The following VPS13A variants were observed in gnomAD, a reference collection of about 807,000 sequenced individuals.
VPS13A encodes intermembrane lipid transfer protein VPS13A.
VPS13A carries 264 observed loss-of-function variants against 390.9 expected under a neutral mutation model. That is an observed-to-expected ratio of 0.68 (90% CI 0.61 to 0.75). VPS13A has a LOEUF of 0.75. Among genes scored for constraint, VPS13A ranks in the 30% least tolerant of loss-of-function variants. The probability of loss-of-function intolerance (pLI) is 0.00; values close to 1 mark genes in which losing one functional copy is unlikely to be tolerated. For synonymous variants in VPS13A, 1,231 were observed against 1,227.1 expected, an observed-to-expected ratio of 1.00 and a Z score of -0.07; for missense variants, 3,409 against 3,733.9, an observed-to-expected ratio of 0.91 and a Z score of 2.27.
At chr9:77,267,654 A>G (rs1826114703) in intron 23 of VPS13A, among the ~76,000 whole-genome samples, 1 of 152,196 alleles carries the variant, frequency 6.6e-6, no homozygotes, top group Non-Finnish European at 1.5e-5. Context: ...TCAGGGCCCC[A>G]CTTGAGAAGG....
chr9:77,200,702 A>G (rs1300613224), intron 2 of VPS13A, among the ~76,000 whole-genome samples: 5 of 152,042 alleles, frequency 3.3e-5, no homozygotes, highest in Non-Finnish European at 5.9e-5. Flanking sequence ...AAAGTTTTTA[A>G]TCTGATAAAG....
At chr9:77,241,372 A>G (rs937013739) in intron 19 of VPS13A, among the ~76,000 whole-genome samples, 3 of 149,412 alleles carry the variant, frequency 2.0e-5, no homozygotes, top group African/African-American at 7.4e-5. Context: ...GTTTTGTTAA[A>G]TTTAAAATCT....
chr9:77,275,008 G>T (rs1172592391), intron 24 of VPS13A, among the ~76,000 whole-genome samples: 1 of 151,946 alleles, frequency 6.6e-6, no homozygotes, highest in Non-Finnish European at 1.5e-5. Flanking sequence ...ACCTATATTT[G>T]TGTATATATA....
At position 77,370,954 on chromosome 9, in the gene VPS13A, T is replaced by C. The variant is rs1271464799; in HGVS notation, c.8953+19T>C. On this transcript the variant is annotated intron_variant, in intron 66 of 71. Transcript: ENST00000360280. ...ATCAAAGGCAAGTATAGTAGTTCCT[T>C]TGCAAGTCTTTCTAAGTTGATTCTG... is the stretch of plus-strand genomic sequence containing the variant. 1 of 1,614,142 alleles carries C rather than the reference T, an allele frequency of 6.2e-7. No individual in the cohort carries two copies. The highest frequency in any genetic ancestry group is 1.7e-4 in the Middle Eastern group (1 of 6,046).
chr9:77,275,951 T>A, intron 25 of VPS13A, 114 bp from the exon 26 acceptor site: 1 of 1,141,924 alleles, frequency 8.8e-7, no homozygotes, highest in African/African-American at 1.6e-5. Context: ...TCCTAAATTT[T>A]AAATAATAAT....
intron 28 of VPS13A, 93 bp downstream of exon 28, chr9:77,282,019 T>C: frequency 7.3e-7 from 1 of 1,378,558 alleles, no homozygotes; most frequent in Non-Finnish European, 1.0e-6. Context: ...GATAAGAAAA[T>C]ATTATAAATT....
intron 10 of VPS13A, 150 bp downstream of exon 10, chr9:77,214,536 T>G (rs1822748581): frequency 1.8e-6 from 1 of 563,980 alleles, no homozygotes; most frequent in African/African-American, 1.9e-5. Flanking sequence ...GCAAATAATA[T>G]TATATTTTTT....
At chr9:77,306,414 T>TTGTGTG (rs60382346) in intron 34 of VPS13A, among the ~76,000 whole-genome samples, 6,365 of 140,766 alleles carry the variant, frequency 0.045, 153 homozygotes, top group South Asian at 0.092. Context: ...GTGTGTGTGT[T>TTGTGTG]TGTGTGTGTG....
chr9:77,346,716 A>G (rs1484454138), intron 52 of VPS13A, among the ~76,000 whole-genome samples: 1 of 152,240 alleles, frequency 6.6e-6, no homozygotes, highest in Non-Finnish European at 1.5e-5. Flanking sequence ...AGAGATGAGA[A>G]TCCAATTTTA....
chr9:77,411,456 G>T (rs1458376942), intron 71 of VPS13A, among the ~76,000 whole-genome samples: 2 of 151,966 alleles, frequency 1.3e-5, no homozygotes, highest in Admixed American at 1.3e-4. Flanking sequence ...GAGGTCAGGA[G>T]ATCGACACCA....
intron 52 of VPS13A, among the ~76,000 whole-genome samples, chr9:77,347,440 T>C (rs758369481): frequency 2.0e-5 from 3 of 152,144 alleles, no homozygotes; most frequent in Non-Finnish European, 4.4e-5. Flanking sequence ...TTTGAGTAGA[T>C]TTTTATGCGT....
At chr9:77,249,447 C>T (rs1825027091) in intron 20 of VPS13A, among the ~76,000 whole-genome samples, 1 of 152,080 alleles carries the variant, frequency 6.6e-6, no homozygotes, top group Admixed American at 6.5e-5. Flanking sequence ...ACTTTTCAAA[C>T]AGAGATAATC....
In VPS13A at chr9:77,220,034, T is replaced by C; in HGVS notation, c.835T>C (p.Leu279=). ...TGACTTTTCTGCCCCCAAAATAAAC[T>C]TGGAAATTGAGTTACATAACATAGC... ...DFDFSAPKIN[L]EIELHNIAIE... The change falls in exon 11 of 72, where the codon TTG becomes CTG. Residue 279 remains leucine, a synonymous_variant. Coordinates refer to ENST00000360280, the MANE Select transcript of VPS13A (RefSeq NM_033305.3). 1 of 1,612,980 alleles carries C rather than the reference T, an allele frequency of 6.2e-7. No homozygotes were observed. The highest frequency in any genetic ancestry group is 8.5e-7 in the Non-Finnish European group (1 of 1,179,152).
intron 45 of VPS13A, among the ~76,000 whole-genome samples, chr9:77,325,179 C>T (rs1170409980): frequency 6.6e-6 from 1 of 152,194 alleles, no homozygotes; most frequent in Non-Finnish European, 1.5e-5. Flanking sequence ...AGATCCCTTG[C>T]ATGCGCAGTT....
intron 22 of VPS13A, among the ~76,000 whole-genome samples, chr9:77,254,709 T>C (rs1272767723): frequency 6.6e-6 from 1 of 152,214 alleles, no homozygotes; most frequent in Non-Finnish European, 1.5e-5. Flanking sequence ...CAGCAACATT[T>C]TCTAGGTCTC....
At position 77,357,886 on chromosome 9, in the gene VPS13A, A is replaced by C. The variant is rs780791519; in HGVS notation, c.7953+48A>C. The C allele has an allele frequency of 8.3e-6, 13 of 1,560,112 alleles. No individual in the cohort carries two copies. In the African/African-American group the frequency reaches 1.8e-4, roughly 21 times the overall value. On this transcript the variant is annotated intron_variant, in intron 56 of 71. Transcript: ENST00000360280. ...GCAAAATTGTATTCTAAAGGAATGC[A>C]ATAAGAAACCAGATCTATTCCCATG...
At chr9:77,390,190 C>A in intron 68 of VPS13A, 2 of 827,300 alleles carry the variant, frequency 2.4e-6, no homozygotes, top group Non-Finnish European at 2.9e-6. Flanking sequence ...CTTCACTCTT[C>A]ATTTTATAGC....
chr9:77,197,003 T>A (rs1456062514), intron 1 of VPS13A, among the ~76,000 whole-genome samples: 1 of 152,146 alleles, frequency 6.6e-6, no homozygotes, highest in Non-Finnish European at 1.5e-5. Flanking sequence ...ACACCAGCAT[T>A]TATTTTTTTG....
intron 25 of VPS13A, 134 bp from the exon 26 acceptor site, chr9:77,275,931 A>G: frequency 1.0e-6 from 1 of 982,742 alleles, no homozygotes. Flanking sequence ...CTGTGTGGGT[A>G]TAAAATCTCT....
Sources: gnomAD v4.1 joint callset for allele counts (sites outside exome capture counted in the v4.1 genomes callset) on GRCh38, gnomAD v4.1.1 for gene constraint, MANE v1.5 for transcripts, NCBI Gene and HGNC (gene_info 2026-07-23, HGNC 2026-07-21) for gene names.